The following FSD1 variants were observed in gnomAD, a reference collection of about 807,000 sequenced individuals.
FSD1 encodes fibronectin type III and SPRY domain-containing protein 1.
Under a neutral mutation model 58.2 loss-of-function variants are expected in FSD1, and 23 were observed. That is an observed-to-expected ratio of 0.40 (90% confidence interval 0.28 to 0.56). The LOEUF (loss-of-function observed/expected upper bound fraction) is 0.56. Among genes scored for constraint, FSD1 ranks in the 20% least tolerant of loss-of-function variants. The pLI, the probability that FSD1 is intolerant of heterozygous loss-of-function variation, is 0.54. For missense variants in FSD1, 563 were observed against 670.8 expected (o/e 0.84, Z 1.78); for synonymous variants, 265 against 263.4 (o/e 1.01, Z -0.06).
chr19:4,305,859 CG>C (rs1971613931), intron 1 of FSD1, 86 bp from the exon 2 acceptor site: 1 of 943,656 alleles, frequency 1.1e-6, no homozygotes, highest in Admixed American at 1.8e-5. Context: ...TGTGTGTGCA[CG>C]TGTGTACATG....
At chr19:4,311,734 C>A in intron 6 of FSD1, 108 bp from the exon 7 acceptor site, 1 of 927,058 alleles carries the variant, frequency 1.1e-6, no homozygotes, top group Non-Finnish European at 1.7e-6. Context: ...CCTTTGTGGC[C>A]ATGCCCCCAA....
intron 7 of FSD1, among the ~76,000 whole-genome samples, chr19:4,314,081 C>T (rs1971726514): frequency 6.6e-6 from 1 of 152,000 alleles, no homozygotes; most frequent in African/African-American, 2.4e-5. Flanking sequence ...CCCGGAGGGG[C>T]GGGGAGAGGC....
intron 7 of FSD1, 54 bp from the exon 8 acceptor site, chr19:4,317,128 C>A: frequency 2.0e-6 from 2 of 994,742 alleles, no homozygotes; most frequent in Non-Finnish European, 3.2e-6. Flanking sequence ...TAACCCATGA[C>A]TCAGAGTCTC....
chr19:4,304,831 C>G, intron 1 of FSD1, 70 bp downstream of exon 1: 1 of 510,874 alleles, frequency 2.0e-6, no homozygotes. Context: ...GGTGTTGCCG[C>G]AGCGCCCCCA....
intron 6 of FSD1, 55 bp from the exon 7 acceptor site, chr19:4,311,787 T>G: frequency 6.4e-7 from 1 of 1,554,258 alleles, no homozygotes. Context: ...GCAAGCCCCC[T>G]GCCCCCTGAA....
rs549006877 is a variant in FSD1, at chr19:4,316,254, C to T, written c.701-928C>T. Among the ~76,000 whole-genome samples, 5 of 152,140 alleles carry T rather than the reference C, an allele frequency of 3.3e-5. No individual in the cohort carries two copies. In the East Asian group the frequency reaches 9.7e-4, roughly 29 times the overall value. ...TTTTTTGGAGGGGGTCAGAGTTTCGCTCTGTCACCCAGGCTAGAGTGCAGT... is the reference window on the plus strand; with the variant it reads ...TTTTTTGGAGGGGGTCAGAGTTTCGTTCTGTCACCCAGGCTAGAGTGCAGT... On this transcript the variant is annotated intron_variant, in intron 7 of 12. Coordinates refer to ENST00000221856, the MANE Select transcript of FSD1 (RefSeq NM_024333.3).
chr19:4,313,108 G>A (rs1013650612), intron 7 of FSD1, among the ~76,000 whole-genome samples: 1 of 151,750 alleles, frequency 6.6e-6, no homozygotes. Context: ...AGCACTTTGG[G>A]AGGCTGAGGC....
At chr19:4,311,596 A>C (rs535215493) in intron 6 of FSD1, 1 of 453,772 alleles carries the variant, frequency 2.2e-6, no homozygotes, top group Non-Finnish European at 4.1e-6. Context: ...AGGCAGGAGA[A>C]TCGCTTGAAC....
intron 7 of FSD1, among the ~76,000 whole-genome samples, chr19:4,314,038 A>G (rs1971725637): frequency 6.6e-6 from 1 of 151,970 alleles, no homozygotes; most frequent in African/African-American, 2.4e-5. Context: ...AAAAAAAAAA[A>G]AGAAAAAAAA....
At chr19:4,311,749 G>C (rs984143888) in intron 6 of FSD1, 93 bp from the exon 7 acceptor site, 2 of 1,155,296 alleles carry the variant, frequency 1.7e-6, no homozygotes, top group African/African-American at 1.5e-5. Flanking sequence ...CCCCAAAATT[G>C]TCCAACATGT....
chr19:4,311,698 G>C (rs1458640724), intron 6 of FSD1, 144 bp from the exon 7 acceptor site: 2 of 631,498 alleles, frequency 3.2e-6, no homozygotes, highest in African/African-American at 1.9e-5. Context: ...AAAAAAAAAA[G>C]TCTCCACCCT....
chr19:4,323,059 G>C lies in FSD1; in HGVS notation c.1113G>C (p.Val371=). Residue 371 remains valine (V), a synonymous_variant, in exon 11 of 13, where the codon GTG becomes GTC. Coordinates refer to ENST00000221856, the MANE Select transcript of FSD1 (RefSeq NM_024333.3). This position sits in a 1 kb window ranked among gnomAD's most constrained non-coding sequence, Gnocchi z 7.7. ...RYEPDSKAFG[V]GVAYRSLGRF... ...AGCCGGACAGCAAGGCGTTCGGCGTGGGCGTGGCCTACCGCAGCCTGGGCC... is the reference window on the plus strand; with the variant it reads ...AGCCGGACAGCAAGGCGTTCGGCGTCGGCGTGGCCTACCGCAGCCTGGGCC... The C allele has an allele frequency of 6.2e-7, 1 of 1,611,750 alleles. No individual in the cohort carries two copies. The highest frequency in any genetic ancestry group is 8.5e-7 in the Non-Finnish European group (1 of 1,179,662).
At chr19:4,305,918 G>C in intron 1 of FSD1, 28 bp from the exon 2 acceptor site, 1 of 1,541,132 alleles carries the variant, frequency 6.5e-7, no homozygotes, top group Non-Finnish European at 9.0e-7. Context: ...GTGTGCACCT[G>C]TGTGTGTCCA....
At position 4,306,285 on chromosome 19, in the gene FSD1, A is replaced by G. The variant is rs1184340445; in HGVS notation, c.199A>G (p.Met67Val). The G allele has an allele frequency of 1.9e-6, 3 of 1,614,118 alleles. No homozygotes were observed. The highest frequency in any genetic ancestry group is 3.3e-5 in the Admixed American group (2 of 60,002). ...GGAGGAGCTGAAAGAAGGCATGCTT[A>G]TGAAGATAAAACAGGACCGTGCCAG... ...LLEELKEGMLMKIKQDRASRT... is the reference protein window; with the variant it reads ...LLEELKEGMLVKIKQDRASRT... The change falls in exon 3 of 13, where the codon ATG becomes GTG. Residue 67 changes from methionine (M) to valine (V), a missense_variant. By Grantham distance (21) the Met-to-Val change is conservative. Coordinates refer to ENST00000221856, the MANE Select transcript of FSD1 (RefSeq NM_024333.3).
At chr19:4,310,372 C>G in intron 5 of FSD1, 77 bp downstream of exon 5, 2 of 1,610,312 alleles carry the variant, frequency 1.2e-6, no homozygotes, top group South Asian at 1.1e-5. Context: ...GTGAGGGTGT[C>G]TCATCTCAGA....
rs151077874 is a variant in FSD1, at chr19:4,323,056, C to A, written c.1110C>A (p.Gly370=). Residue 370 remains glycine, a synonymous_variant, in exon 11 of 13, where the codon GGC becomes GGA. Coordinates refer to ENST00000221856, the MANE Select transcript of FSD1 (RefSeq NM_024333.3). The surrounding 1 kb of genome is among the most constrained non-coding windows in gnomAD (Gnocchi z 7.7). Reference sequence around the variant, plus strand: ...ACGAGCCGGACAGCAAGGCGTTCGGCGTGGGCGTGGCCTACCGCAGCCTGG... The same window carrying A: ...ACGAGCCGGACAGCAAGGCGTTCGGAGTGGGCGTGGCCTACCGCAGCCTGG... ...VRYEPDSKAF[G]VGVAYRSLGR... 3.1e-6 allele frequency: 5 copies of A among 1,611,524 alleles called. No homozygotes were observed. Among genetic ancestry groups the A allele is most frequent in the Middle Eastern group, 1.6e-4 (1 of 6,066 alleles).
chr19:4,310,360 T>C, intron 5 of FSD1, 65 bp downstream of exon 5: 1 of 1,609,938 alleles, frequency 6.2e-7, no homozygotes, highest in Non-Finnish European at 8.5e-7. Flanking sequence ...AGGGGCCACC[T>C]GGTGAGGGTG....
Position 4,318,367 on chromosome 19 carries a change from C to T in FSD1, c.821C>T (p.Ala274Val), listed in dbSNP as rs867142811. The change falls in exon 9 of 13, where the codon GCG becomes GTG. Residue 274 changes from alanine to valine, a missense_variant. By Grantham distance (64) the Ala-to-Val change is moderately conservative. Transcript: ENST00000221856. ...ETPAFMFRLDASTSHQNLRVD... is the reference protein window; with the variant it reads ...ETPAFMFRLDVSTSHQNLRVD... Reference sequence around the variant, plus strand: ...CCAGCGTTCATGTTCCGCCTGGATGCGTCCACATCCCACCAGAACCTGCGG... The same window carrying T: ...CCAGCGTTCATGTTCCGCCTGGATGTGTCCACATCCCACCAGAACCTGCGG... 4 of 1,613,864 alleles carry T rather than the reference C, an allele frequency of 2.5e-6. No individual in the cohort carries two copies. The highest frequency in any genetic ancestry group is 2.2e-5 in the East Asian group (1 of 44,850).
chr19:4,319,039 C>CCTGTTTCCGCAGCCAAA, intron 10 of FSD1, 88 bp downstream of exon 10: 1 of 996,694 alleles, frequency 1.0e-6, no homozygotes, highest in Non-Finnish European at 1.6e-6. Context: ...CCTTTGGCTG[C>CCTGTTTCCGCAGCCAAA]GGAAACAGGC....
Sources: gnomAD v4.1 joint callset for allele counts (sites outside exome capture counted in the v4.1 genomes callset) on GRCh38, gnomAD v4.1.1 for gene constraint, Gnocchi (gnomAD v3.1) non-coding constraint, MANE v1.5 for transcripts, NCBI Gene and HGNC (gene_info 2026-07-23, HGNC 2026-07-21) for gene names.